MYRFL: variants seen among roughly 807,000 people sequenced by gnomAD.
MYRFL encodes the protein myelin regulatory factor like, also known as myelin regulatory factor-like protein.
Under a neutral mutation model 109.4 loss-of-function variants are expected in MYRFL, and 88 were observed. That is an observed-to-expected ratio of 0.80 (90% CI 0.68 to 0.96). The LOEUF (loss-of-function observed/expected upper bound fraction) is 0.96, where lower values mean the gene tolerates loss of function less well. Among genes scored for constraint, MYRFL ranks in the 40% least tolerant of loss-of-function variants. MYRFL has a pLI of 0.00. For synonymous variants in MYRFL, 324 were observed against 320.9 expected, an observed-to-expected ratio of 1.01 and a Z score of -0.10; for missense variants, 957 against 954.9, an observed-to-expected ratio of 1.00 and a Z score of -0.03.
At chr12:69,900,452 C>A (rs1381518027) in intron 10 of MYRFL, among the ~76,000 whole-genome samples, 1 of 152,054 alleles carries the variant, frequency 6.6e-6, no homozygotes, top group African/African-American at 2.4e-5. Context: ...ATAAGAATCC[C>A]CAGAGAGCTT....
intron 2 of MYRFL, among the ~76,000 whole-genome samples, chr12:69,874,036 C>T (rs1484462938): frequency 6.6e-6 from 1 of 152,138 alleles, no homozygotes; most frequent in Admixed American, 6.5e-5. Flanking sequence ...AAATGTAGAA[C>T]CATCAACAAT....
intron 16 of MYRFL, among the ~76,000 whole-genome samples, chr12:69,934,633 G>A (rs578144333): frequency 6.2e-4 from 95 of 152,278 alleles, no homozygotes; most frequent in Non-Finnish European, 1.2e-3. Flanking sequence ...GAATTTTATT[G>A]AGCAAAGAAA....
intron 2 of MYRFL, among the ~76,000 whole-genome samples, chr12:69,870,411 G>C (rs1312605437): frequency 6.6e-6 from 1 of 152,048 alleles, no homozygotes; most frequent in African/African-American, 2.4e-5. Context: ...ATGACCCATA[G>C]TGTCTGTTGC....
At chr12:69,889,505 C>A (rs1005854958) in intron 6 of MYRFL, among the ~76,000 whole-genome samples, 7 of 152,052 alleles carry the variant, frequency 4.6e-5, no homozygotes, top group African/African-American at 1.7e-4. Flanking sequence ...ATCCAAAAAT[C>A]TGAAATCTGA....
chr12:69,914,755 C>A (rs950327696), intron 13 of MYRFL, among the ~76,000 whole-genome samples: 2 of 152,172 alleles, frequency 1.3e-5, no homozygotes, highest in African/African-American at 4.8e-5. Context: ...GGCAGCCAGC[C>A]TCATTCATGT....
intron 11 of MYRFL, among the ~76,000 whole-genome samples, chr12:69,904,622 G>A (rs1954296210): frequency 6.6e-6 from 1 of 152,114 alleles, no homozygotes; most frequent in African/African-American, 2.4e-5. Flanking sequence ...AATCATCTTG[G>A]AAAGCTACAA....
chr12:69,902,629 G>T (rs1263337782), intron 10 of MYRFL, among the ~76,000 whole-genome samples: 1 of 152,180 alleles, frequency 6.6e-6, no homozygotes, highest in Admixed American at 6.5e-5. Context: ...CTAAAGTTGT[G>T]ACAGCCTGCC....
chr12:69,853,823 C>T (rs1055324666), intron 1 of MYRFL, among the ~76,000 whole-genome samples: 5 of 151,182 alleles, frequency 3.3e-5, no homozygotes, highest in African/African-American at 9.7e-5. Flanking sequence ...ACTTCCCAGA[C>T]GGGATCGCGG....
rs560118275 is a variant in MYRFL, at chr12:69,857,036, A to AT, written c.137+1675dup. On this transcript the variant is annotated intron_variant, in intron 2 of 24. Coordinates refer to ENST00000552032, the MANE Select transcript of MYRFL (RefSeq NM_182530.3). ...ATATTTAGGTCTATGATCCATTTTG[A>AT]TTTTTTTTTGTAAAAGGCTTGAGAT... Among the ~76,000 whole-genome samples, 596 of 151,016 alleles carry AT rather than the reference A, an allele frequency of 3.9e-3. 6 individuals carry two copies. The highest frequency in any genetic ancestry group is 0.014 in the African/African-American group (558 of 41,270).
intron 1 of MYRFL, among the ~76,000 whole-genome samples, chr12:69,848,726 G>C (rs1565968199): frequency 6.6e-6 from 1 of 152,050 alleles, no homozygotes; most frequent in Non-Finnish European, 1.5e-5. Flanking sequence ...TCATTTTCTT[G>C]ATTAAGTGGG....
chr12:69,856,372 A>G (rs11495625), intron 2 of MYRFL, among the ~76,000 whole-genome samples: 17,799 of 152,066 alleles, frequency 0.12, 1,292 homozygotes, highest in Middle Eastern at 0.19. Context: ...ATATTTATGT[A>G]TGGGTTTTTG....
In MYRFL at chr12:69,870,301, C is replaced by G. The variant is rs373230821; in HGVS notation, c.138-8727C>G. On this transcript the variant is annotated intron_variant, in intron 2 of 24. Coordinates refer to ENST00000552032, the MANE Select transcript of MYRFL (RefSeq NM_182530.3). Reference sequence around the variant, plus strand: ...CCATGTTGGCCAGGCTGGTCTTAAACTCCTGACCTCAGGTGATCCACCCGC... The same window carrying G: ...CCATGTTGGCCAGGCTGGTCTTAAAGTCCTGACCTCAGGTGATCCACCCGC... Among the ~76,000 whole-genome samples, 4 of 143,552 alleles carry G rather than the reference C, an allele frequency of 2.8e-5. No homozygotes were observed. In the East Asian group the frequency reaches 6.3e-4, roughly 22 times the overall value. The allele number at this position is 143,552 out of a possible 152,430, so 94.2% of individuals were successfully genotyped here.
chr12:69,862,787 T>C (rs947224568), intron 2 of MYRFL, among the ~76,000 whole-genome samples: 1 of 152,230 alleles, frequency 6.6e-6, no homozygotes, highest in African/African-American at 2.4e-5. Flanking sequence ...CAACACTACG[T>C]TGAATAGGAG....
chr12:69,843,195 T>A (rs1359302312), intron 1 of MYRFL, among the ~76,000 whole-genome samples: 1 of 152,206 alleles, frequency 6.6e-6, no homozygotes, highest in Non-Finnish European at 1.5e-5. Context: ...CTTCTTTTCT[T>A]CCTCTCCTCT....
intron 15 of MYRFL, 89 bp downstream of exon 15, chr12:69,927,837 C>A: frequency 1.6e-6 from 2 of 1,218,548 alleles, no homozygotes; most frequent in Non-Finnish European, 2.3e-6. Context: ...TTTCTCATTT[C>A]TTTGTTCAGA....
At position 69,927,680 on chromosome 12, in the gene MYRFL, T is replaced by G. The variant is rs1433570703; in HGVS notation, c.1767-5T>G. On this transcript the variant is annotated splice_region_variant and splice_polypyrimidine_tract_variant and intron_variant, in intron 14 of 24. Transcript: ENST00000552032. ...ATAGTAACCAATTTTCTCTCTCTTTTAAAGCAAATCTAGCAGAGCCGTTAG... is the reference window on the plus strand; with the variant it reads ...ATAGTAACCAATTTTCTCTCTCTTTGAAAGCAAATCTAGCAGAGCCGTTAG... The G allele has an allele frequency of 6.5e-6, 10 of 1,531,422 alleles. No homozygotes were observed. Among genetic ancestry groups the G allele is most frequent in the Non-Finnish European group, 7.9e-6 (9 of 1,145,954 alleles). 94.9% of individuals were successfully genotyped at this position (1,531,422 alleles called of 1,614,324 possible).
chr12:69,870,227 ATTTT>A (rs71094744), intron 2 of MYRFL, among the ~76,000 whole-genome samples: 2 of 110,706 alleles, frequency 1.8e-5, no homozygotes, highest in Non-Finnish European at 3.5e-5. Flanking sequence ...CGTCTGGCTA[ATTTT>A]TTTTTTTTTT....
Position 69,895,398 on chromosome 12 carries a change from C to T in MYRFL, c.1008C>T (p.Thr336=), listed in dbSNP as rs1463255696. ...TTGACCTACTGGCTGACCAGGTCACCAAAGTAACACTGGGACGATTACACT... is the reference window on the plus strand; with the variant it reads ...TTGACCTACTGGCTGACCAGGTCACTAAAGTAACACTGGGACGATTACACT... ...VKIDLLADQV[T]KVTLGRLHFS... The change falls in exon 9 of 25, where the codon ACC becomes ACT. Residue 336 remains threonine (T), a synonymous_variant. Transcript: ENST00000552032. 2.1e-5 allele frequency: 32 copies of T among 1,535,116 alleles called. No homozygotes were observed. The East Asian group carries it at 2.7e-4, about 13-fold the overall frequency.
At chr12:69,837,781 G>A (rs1186140020) in intron 1 of MYRFL, among the ~76,000 whole-genome samples, 5 of 152,142 alleles carry the variant, frequency 3.3e-5, no homozygotes, top group Non-Finnish European at 5.9e-5. Context: ...TGGCTTTGGC[G>A]TCATTCCCTC....
Sources: gnomAD v4.1 joint callset for allele counts (sites outside exome capture counted in the v4.1 genomes callset) on GRCh38, gnomAD v4.1.1 for gene constraint, MANE v1.5 for transcripts, NCBI Gene and HGNC (gene_info 2026-07-23, HGNC 2026-07-21) for gene names.